ZNRF1: variants seen among roughly 807,000 people sequenced by gnomAD.
ZNRF1 encodes the protein zinc and ring finger 1.
A neutral mutation model predicts 18.4 loss-of-function variants in ZNRF1; 3 were observed. The ratio of observed to expected loss-of-function variants is 0.16; its 90% CI spans 0.07 to 0.42. The LOEUF is 0.42. Among genes scored for constraint, ZNRF1 ranks in the 10% least tolerant of loss-of-function variants. The pLI, the probability that ZNRF1 is intolerant of heterozygous loss-of-function variation, is 0.99. For missense variants in ZNRF1, 310 were observed against 329.8 expected, an observed-to-expected ratio of 0.94 and a Z score of 0.47; for synonymous variants, 157 against 144.2, an observed-to-expected ratio of 1.09 and a Z score of -0.64.
Position 75,081,834 on chromosome 16 carries a change from C to T in ZNRF1, c.425-11738C>T, listed in dbSNP as rs570216159. ...GGATCTCCTTTTTCAACAGATGGTCCATCCTTTAAATAAGACATCTCCAAA... is the reference window on the plus strand; with the variant it reads ...GGATCTCCTTTTTCAACAGATGGTCTATCCTTTAAATAAGACATCTCCAAA... On this transcript the variant is annotated intron_variant, in intron 1 of 4. Transcript: ENST00000335325. 3.9e-5 allele frequency among the ~76,000 whole-genome samples: 6 copies of T among 152,360 alleles called. No individual in the cohort carries two copies. In the East Asian group the frequency reaches 1.2e-3, roughly 29 times the overall value.
At chr16:75,041,098 TC>T (rs1182485397) in intron 1 of ZNRF1, among the ~76,000 whole-genome samples, 3 of 152,214 alleles carry the variant, frequency 2.0e-5, no homozygotes, top group Non-Finnish European at 4.4e-5. Flanking sequence ...CTGTGAACAT[TC>T]ATGTTCGTGA....
rs1462680497 is a variant in ZNRF1, at chr16:75,107,816, C to T, written c.*116C>T. 8 of 456,366 alleles carry T rather than the reference C, an allele frequency of 1.8e-5. No homozygotes were observed. The highest frequency in any genetic ancestry group is 1.4e-4 in the African/African-American group (7 of 50,058). The allele number at this position is 456,366 out of a possible 1,614,324, so 28.3% of individuals were successfully genotyped here. A position where few individuals can be genotyped will look rare whatever the true frequency, so the allele number is the denominator to read the frequency against. Reference sequence around the variant, plus strand: ...TTGGGACACCAGCGGGAACAGGGCACCCCTTCTGCACTGACTTCCAGATCA... The same window carrying T: ...TTGGGACACCAGCGGGAACAGGGCATCCCTTCTGCACTGACTTCCAGATCA... On this transcript the variant is annotated 3_prime_UTR_variant, in exon 5 of 5. Transcript: ENST00000335325.
At chr16:75,003,821 T>C (rs2034884105) in intron 1 of ZNRF1, among the ~76,000 whole-genome samples, 5 of 152,198 alleles carry the variant, frequency 3.3e-5, no homozygotes, top group Admixed American at 3.3e-4. Context: ...AGAAGACGCC[T>C]GTCCTGCTTA....
chr16:75,108,911 C>G lies in ZNRF1; in HGVS notation c.*1211C>G. 4.5e-6 allele frequency: 1 copy of G among 219,818 alleles called. No homozygotes were observed. Among genetic ancestry groups the G allele is most frequent in the Non-Finnish European group, 8.8e-6 (1 of 113,708 alleles). The allele number at this position is 219,818 out of a possible 1,614,324, so 13.6% of individuals were successfully genotyped here. A position where few individuals can be genotyped will look rare whatever the true frequency, so the allele number is the denominator to read the frequency against. On this transcript the variant is annotated 3_prime_UTR_variant, in exon 5 of 5. Transcript: ENST00000335325. ...GGCGTGCCTCCTACAAGCTTCCTAA[C>G]CTCTTAAGCATCATGGAACCAGTCA...
chr16:75,075,894 G>A (rs1343302443), intron 1 of ZNRF1, among the ~76,000 whole-genome samples: 2 of 152,224 alleles, frequency 1.3e-5, no homozygotes, highest in Non-Finnish European at 2.9e-5. Context: ...AGTGAAGATG[G>A]CCATTGGAGA....
At chr16:75,066,664 G>A (rs1567484439) in intron 1 of ZNRF1, among the ~76,000 whole-genome samples, 2 of 152,006 alleles carry the variant, frequency 1.3e-5, no homozygotes, top group African/African-American at 2.4e-5. Context: ...CACCATGCCC[G>A]GCTAATTTTT....
At chr16:75,074,229 G>A (rs1400524273) in intron 1 of ZNRF1, among the ~76,000 whole-genome samples, 1 of 152,138 alleles carries the variant, frequency 6.6e-6, no homozygotes, top group Non-Finnish European at 1.5e-5. Flanking sequence ...GGAAGGAGGC[G>A]ATGCAGTAGA....
At chr16:75,094,435 G>A (rs1300638839) in intron 2 of ZNRF1, among the ~76,000 whole-genome samples, 1 of 152,220 alleles carries the variant, frequency 6.6e-6, no homozygotes, top group Admixed American at 6.5e-5. Context: ...CTGTGCATAA[G>A]GCTTTGGAGT....
intron 1 of ZNRF1, among the ~76,000 whole-genome samples, chr16:75,069,136 G>T (rs149324080): frequency 2.6e-5 from 4 of 152,048 alleles, no homozygotes; most frequent in African/African-American, 7.2e-5. Flanking sequence ...ACCAAAGTTA[G>T]GAGATAATCT....
intron 1 of ZNRF1, among the ~76,000 whole-genome samples, chr16:75,048,204 G>C (rs1370943835): frequency 6.6e-6 from 1 of 152,070 alleles, no homozygotes; most frequent in Non-Finnish European, 1.5e-5. Context: ...ACCTGCCTTG[G>C]CTTCCCAAAG....
chr16:75,011,957 T>A (rs1041263433), intron 1 of ZNRF1, among the ~76,000 whole-genome samples: 3 of 152,184 alleles, frequency 2.0e-5, no homozygotes, highest in African/African-American at 4.8e-5. Context: ...ATTCCTCTAC[T>A]GAAAATTTGT....
At chr16:75,107,646 C>T in intron 4 of ZNRF1, 87 bp from the exon 5 acceptor site, 1 of 454,050 alleles carries the variant, frequency 2.2e-6, no homozygotes, top group South Asian at 1.6e-5. Flanking sequence ...CCCAGCCCCG[C>T]CTGCCCTCTT....
At chr16:75,070,346 A>G (rs776661994) in intron 1 of ZNRF1, among the ~76,000 whole-genome samples, 24 of 152,130 alleles carry the variant, frequency 1.6e-4, no homozygotes, top group Non-Finnish European at 3.2e-4. Context: ...GACTCCTCCC[A>G]ATCCATTTAC....
At chr16:75,098,344 A>T (rs11644904) in intron 2 of ZNRF1, among the ~76,000 whole-genome samples, 1,767 of 152,334 alleles carry the variant, frequency 0.012, 93 homozygotes, top group Admixed American at 0.081. Context: ...GTAGGAAAGT[A>T]TGAAGCGCTC....
At chr16:75,016,864 G>A (rs112465886) in intron 1 of ZNRF1, among the ~76,000 whole-genome samples, 467 of 152,136 alleles carry the variant, frequency 3.1e-3, no homozygotes, top group Non-Finnish European at 4.3e-3. Context: ...ATTTACTATC[G>A]TTTTGTAATA....
chr16:75,085,815 A>AGAGAGAGAGAGAGAGAGAGAGT (rs889805907), intron 1 of ZNRF1, among the ~76,000 whole-genome samples: 1 of 146,728 alleles, frequency 6.8e-6, no homozygotes, highest in African/African-American at 2.7e-5. Context: ...AGAGAGAGAG[A>AGAGAGAGAGAGAGAGAGAGAGT]GAGTGAGTGT....
At chr16:75,057,152 G>A (rs542241366) in intron 1 of ZNRF1, among the ~76,000 whole-genome samples, 7 of 152,168 alleles carry the variant, frequency 4.6e-5, no homozygotes, top group South Asian at 2.1e-4. Flanking sequence ...AGGTACTACC[G>A]GGGCATCTTG....
intron 1 of ZNRF1, among the ~76,000 whole-genome samples, chr16:75,038,979 C>T (rs574029241): frequency 6.6e-6 from 1 of 152,186 alleles, no homozygotes; most frequent in Admixed American, 6.5e-5. Context: ...AGAACCATAT[C>T]TTCTTCTGTG....
intron 1 of ZNRF1, among the ~76,000 whole-genome samples, chr16:75,043,508 G>T (rs1335672262): frequency 1.3e-5 from 2 of 152,002 alleles, no homozygotes; most frequent in Non-Finnish European, 2.9e-5. Flanking sequence ...AGGCCTTTTT[G>T]TGCTGGATTC....
Sources: allele counts gnomAD v4.1 joint callset (sites outside exome capture counted in the v4.1 genomes callset), GRCh38; gene constraint gnomAD v4.1.1; transcripts MANE v1.5; gene names NCBI Gene and HGNC (gene_info 2026-07-23, HGNC 2026-07-21).